SVOP: variants seen among roughly 807,000 people sequenced by gnomAD.
The protein encoded by SVOP is SV2 related protein.
A neutral mutation model predicts 69.1 loss-of-function variants in SVOP; 17 were observed. That is an observed-to-expected ratio of 0.25 (90% CI 0.17 to 0.37). The LOEUF is 0.37. SVOP is among the 10% of genes least tolerant of loss of function. The pLI is 1.00. For synonymous variants in SVOP, 238 were observed against 238.6 expected (o/e 1.00, Z 0.02); for missense variants, 435 against 597.5 (o/e 0.73, Z 2.84).
At chr12:108,952,604 G>A (rs1204154317) in intron 6 of SVOP, among the ~76,000 whole-genome samples, 1 of 152,116 alleles carries the variant, frequency 6.6e-6, no homozygotes, top group South Asian at 2.1e-4. Context: ...CAACACTTTG[G>A]GAGGCCAAGA....
intron 1 of SVOP, among the ~76,000 whole-genome samples, chr12:109,009,916 T>C (rs1326740352): frequency 6.6e-6 from 1 of 152,032 alleles, no homozygotes; most frequent in Non-Finnish European, 1.5e-5. Context: ...ATGTGAATAG[T>C]GTTGAGGCTG....
At chr12:108,960,167 G>A (rs189618907) in intron 6 of SVOP, among the ~76,000 whole-genome samples, 2 of 152,276 alleles carry the variant, frequency 1.3e-5, no homozygotes, top group East Asian at 1.9e-4. Flanking sequence ...CCATATATCT[G>A]CTGAAACTAC....
In SVOP at chr12:108,982,156, C is replaced by T. The variant is rs967006403; in HGVS notation, c.196+1445G>A. On this transcript the variant is annotated intron_variant, in intron 2 of 15. Coordinates refer to ENST00000610966, the MANE Select transcript of SVOP (RefSeq NM_018711.5). Reference sequence around the variant, plus strand: ...CATCACTATCATCATCATTGCCAACCTTATCATCACCATCTTCATCCTATC... The same window carrying T: ...CATCACTATCATCATCATTGCCAACTTTATCATCACCATCTTCATCCTATC... Among the ~76,000 whole-genome samples, 7 of 150,516 alleles carry T rather than the reference C, an allele frequency of 4.7e-5. No individual in the cohort carries two copies. The South Asian group carries it at 6.3e-4, about 14-fold the overall frequency.
intron 6 of SVOP, among the ~76,000 whole-genome samples, chr12:108,946,490 T>C (rs2137411121): frequency 6.6e-6 from 1 of 152,080 alleles, no homozygotes; most frequent in South Asian, 2.1e-4. Context: ...CTTCCCCTCA[T>C]CGTATCTGTC....
rs140646566 is a variant in SVOP, at chr12:108,947,697, T to C, written c.579-2531A>G. On this transcript the variant is annotated intron_variant, in intron 6 of 15. Transcript: ENST00000610966. The stretch of plus-strand genomic sequence containing the variant: ...CATGCTGGACAGGGAAGGGAACTTT[T>C]AAACCAGGCCCTGCTCCCACCTATC... 2.4e-3 allele frequency among the ~76,000 whole-genome samples: 368 copies of C among 152,304 alleles called. 7 individuals are homozygous for C. Among genetic ancestry groups the C allele is most frequent in the African/African-American group, 8.6e-3 (356 of 41,564 alleles).
rs148111066 is a variant in SVOP at position 108,970,898 on chromosome 12, G to A, written c.453+1507C>T. On this transcript the variant is annotated intron_variant, in intron 5 of 15. Coordinates refer to ENST00000610966, the MANE Select transcript of SVOP (RefSeq NM_018711.5). ...AGCTGGGCATGGTGGCACAAGTCTTGTCCCAGCTACTTGGGAGGCTCAGGT... is the reference window on the plus strand; with the variant it reads ...AGCTGGGCATGGTGGCACAAGTCTTATCCCAGCTACTTGGGAGGCTCAGGT... 4.6e-3 allele frequency among the ~76,000 whole-genome samples: 693 copies of A among 151,950 alleles called. 10 individuals are homozygous for A. Among genetic ancestry groups the A allele is most frequent in the African/African-American group, 0.016 (655 of 41,434 alleles).
chr12:108,961,137 C>A, intron 5 of SVOP, 90 bp from the exon 6 acceptor site: 1 of 1,438,448 alleles, frequency 7.0e-7, no homozygotes, highest in Non-Finnish European at 9.2e-7. Flanking sequence ...ATAATGGGGT[C>A]ACATTAAAGG....
Position 108,912,540 on chromosome 12 carries a change from C to T in SVOP, c.1642G>A (p.Glu548Lys), listed in dbSNP as rs1339150850. ...GCTCAGTCCCCCATCGGTCACTATT[C>T]CTGAGAGCCAGAGTTCGACCTGGTA... is the stretch of plus-strand genomic sequence containing the variant. ...GVTRSNSGSQE is the reference protein window; with the variant it reads ...GVTRSNSGSQK The change falls in exon 16 of 16, where the codon GAA becomes AAA. Residue 548 changes from glutamate (E) to lysine (K), a missense_variant. Glu to Lys is a moderately conservative substitution (Grantham distance 56). Transcript: ENST00000610966. 2 of 1,613,814 alleles carry T rather than the reference C, an allele frequency of 1.2e-6. No homozygotes were observed. Among genetic ancestry groups the T allele is most frequent in the Non-Finnish European group, 1.7e-6 (2 of 1,179,722 alleles).
chr12:109,008,382 T>C (rs1382936908), intron 1 of SVOP, among the ~76,000 whole-genome samples: 1 of 152,112 alleles, frequency 6.6e-6, no homozygotes, highest in Non-Finnish European at 1.5e-5. Context: ...ACTGGGGAGA[T>C]GGGGTGTGAG....
chr12:108,965,421 G>A (rs1179766949), intron 5 of SVOP, among the ~76,000 whole-genome samples: 2 of 152,152 alleles, frequency 1.3e-5, no homozygotes, highest in Non-Finnish European at 2.9e-5. Context: ...ATGTAACACA[G>A]CAAGGATGGG....
chr12:108,941,917 G>A (rs539187040), intron 7 of SVOP, among the ~76,000 whole-genome samples: 99 of 151,988 alleles, frequency 6.5e-4, no homozygotes, highest in African/African-American at 2.2e-3. Context: ...CACCCCCCTC[G>A]GCCTCCCAAA....
intron 12 of SVOP, among the ~76,000 whole-genome samples, chr12:108,919,995 T>G (rs1173979243): frequency 6.6e-6 from 1 of 152,204 alleles, no homozygotes; most frequent in Admixed American, 6.5e-5. Flanking sequence ...GGTGTTCTCT[T>G]TCCCTGGCCC....
intron 6 of SVOP, among the ~76,000 whole-genome samples, chr12:108,954,186 T>C (rs1338705126): frequency 6.6e-6 from 1 of 151,988 alleles, no homozygotes; most frequent in Admixed American, 6.6e-5. Flanking sequence ...CAAGTGATGT[T>C]TAGACATCAG....
At chr12:108,963,602 C>T (rs933731090) in intron 5 of SVOP, among the ~76,000 whole-genome samples, 1 of 152,170 alleles carries the variant, frequency 6.6e-6, no homozygotes, top group Admixed American at 6.5e-5. Flanking sequence ...ATTCTCCTGC[C>T]TCAGCCTCTG....
chr12:108,994,762 C>T (rs2040221923), intron 1 of SVOP, among the ~76,000 whole-genome samples: 1 of 152,156 alleles, frequency 6.6e-6, no homozygotes, highest in South Asian at 2.1e-4. Context: ...ATGCTCTTTG[C>T]AGCTTTGATT....
At chr12:108,920,235 T>C (rs1382820327) in intron 12 of SVOP, among the ~76,000 whole-genome samples, 6 of 152,214 alleles carry the variant, frequency 3.9e-5, no homozygotes, top group Admixed American at 3.9e-4. Flanking sequence ...TGAAATATGC[T>C]GAAGTAGAAC....
At chr12:108,966,944 T>C (rs2137426818) in intron 5 of SVOP, among the ~76,000 whole-genome samples, 1 of 129,886 alleles carries the variant, frequency 7.7e-6, no homozygotes, top group East Asian at 2.4e-4. Flanking sequence ...GGCAGTGGTA[T>C]AATAATAGAC....
intron 6 of SVOP, among the ~76,000 whole-genome samples, chr12:108,954,647 C>T (rs1019357579): frequency 6.6e-5 from 10 of 152,170 alleles, no homozygotes; most frequent in South Asian, 2.1e-4. Context: ...CCCTTGCAAT[C>T]GCATCTGCTT....
At chr12:108,956,259 G>A (rs369895040) in intron 6 of SVOP, among the ~76,000 whole-genome samples, 184 of 147,820 alleles carry the variant, frequency 1.2e-3, no homozygotes, top group Non-Finnish European at 2.1e-3. Context: ...CCGAGATTGC[G>A]CCACTGCACT....
Sources: gnomAD v4.1 joint callset for allele counts (sites outside exome capture counted in the v4.1 genomes callset) on GRCh38, gnomAD v4.1.1 for gene constraint, MANE v1.5 for transcripts, NCBI Gene and HGNC (gene_info 2026-07-23, HGNC 2026-07-21) for gene names.